Variants in SDK2 observed in about 807,000 individuals in gnomAD.
The protein encoded by SDK2 is protein sidekick-2.
A neutral mutation model predicts 253.9 loss-of-function variants in SDK2; 105 were observed. The ratio of observed to expected loss-of-function variants is 0.41; its 90% CI spans 0.35 to 0.49. The LOEUF (loss-of-function observed/expected upper bound fraction) is 0.49. Ranked by LOEUF, SDK2 falls within the 20% of genes least tolerant of loss-of-function variation. SDK2 has a pLI of 0.06. For missense variants in SDK2, 2,608 were observed against 3,003.0 expected (o/e 0.87, Z 3.07); for synonymous variants, 1,249 against 1,234.9 (o/e 1.01, Z -0.24).
At position 73,525,864 on chromosome 17, in the gene SDK2, C is replaced by T. The variant is rs2064121514; in HGVS notation, c.65-18267G>A. Among the ~76,000 whole-genome samples the T allele has an allele frequency of 1.3e-5, 2 of 152,210 alleles. 1 individual carries two copies. Among genetic ancestry groups the T allele is most frequent in the South Asian group, 4.1e-4 (2 of 4,832 alleles). ...TGCATTTCAACCATTCATTCTTTCA[C>T]TCAAAGGTCAATTCATTCATTCAGC... On this transcript the variant is annotated intron_variant, in intron 1 of 44. Transcript: ENST00000392650.
chr17:73,428,418 C>T (rs1258342445), intron 12 of SDK2, among the ~76,000 whole-genome samples: 2 of 152,088 alleles, frequency 1.3e-5, no homozygotes, highest in African/African-American at 4.8e-5. Context: ...AACCTGCACC[C>T]GCCCAGGCCC....
chr17:73,496,124 C>T lies in SDK2; in HGVS notation c.224+11314G>A, dbSNP rs1215174717. On this transcript the variant is annotated intron_variant, in intron 2 of 44. Coordinates refer to ENST00000392650, the MANE Select transcript of SDK2 (RefSeq NM_001144952.2). The surrounding 1 kb of genome is among the most constrained non-coding windows in gnomAD (Gnocchi z 4.7). The stretch of plus-strand genomic sequence containing the variant: ...AAGAATGAGGTGGGAGGAGCCTGCC[C>T]TGCTGGGTGGGAGTCAGCGTCATGC... 6.6e-6 allele frequency among the ~76,000 whole-genome samples: 1 copy of T among 152,178 alleles called. No individual in the cohort carries two copies. The highest frequency in any genetic ancestry group is 1.9e-4 in the East Asian group (1 of 5,190).
chr17:73,600,771 T>C (rs953117910), intron 1 of SDK2, among the ~76,000 whole-genome samples: 3 of 152,144 alleles, frequency 2.0e-5, no homozygotes, highest in Non-Finnish European at 4.4e-5. Flanking sequence ...CAGTGCCTGG[T>C]CCATCCTATC....
At chr17:73,403,444 G>A (rs572317473) in intron 18 of SDK2, among the ~76,000 whole-genome samples, 29 of 143,918 alleles carry the variant, frequency 2.0e-4, no homozygotes, top group African/African-American at 7.6e-4. Context: ...CGCCTGTCTC[G>A]CCTCCTGCTC....
intron 2 of SDK2, among the ~76,000 whole-genome samples, chr17:73,493,025 CG>C (rs1567804414): frequency 6.6e-6 from 1 of 152,146 alleles, no homozygotes; most frequent in Non-Finnish European, 1.5e-5. Context: ...TCAGGGTAAG[CG>C]GGGTCTCCAG....
In SDK2 at chr17:73,352,498, G is replaced by A. The variant is rs776415249; in HGVS notation, c.5733C>T (p.Pro1911=). The change falls in exon 41 of 45, where the codon CCC becomes CCT. Residue 1911 remains proline (P), a synonymous_variant. Transcript: ENST00000392650. This position sits in a 1 kb window ranked among gnomAD's most constrained non-coding sequence, Gnocchi z 4.1. The part of the protein sequence containing the change: ...IAVNDYGFGT[P]SSPSQSVPAQ... ...CTGGCACAGACTGGGAGGGGCTGCT[G>A]GGGGTGCCGAAACCATAGTCGTTGA... 2.5e-6 allele frequency: 4 copies of A among 1,613,564 alleles called. No homozygotes were observed. The highest frequency in any genetic ancestry group is 3.4e-6 in the Non-Finnish European group (4 of 1,179,756).
intron 1 of SDK2, among the ~76,000 whole-genome samples, chr17:73,626,220 G>A (rs1164438603): frequency 2.0e-5 from 3 of 152,252 alleles, no homozygotes; most frequent in Non-Finnish European, 4.4e-5. Context: ...AATTGCGCCT[G>A]AGCGAGCTGG....
intron 2 of SDK2, among the ~76,000 whole-genome samples, chr17:73,498,900 C>G (rs1417111567): frequency 6.6e-6 from 1 of 152,220 alleles, no homozygotes; most frequent in Non-Finnish European, 1.5e-5. Flanking sequence ...CCTGAAGATC[C>G]TGGGTGAAAC....
At chr17:73,569,141 G>C (rs992678304) in intron 1 of SDK2, among the ~76,000 whole-genome samples, 1 of 151,744 alleles carries the variant, frequency 6.6e-6, no homozygotes, top group Non-Finnish European at 1.5e-5. Flanking sequence ...AGTAGTAAGA[G>C]ATAGAGCTGG....
rs1188047896 is a variant in SDK2 at position 73,472,269 on chromosome 17, ACAGAGGTCAGATTGGGCT to A, written c.225-69_225-52del. 17 of 1,381,652 alleles carry A rather than the reference ACAGAGGTCAGATTGGGCT, an allele frequency of 1.2e-5. No individual in the cohort carries two copies. The Admixed American group carries it at 3.2e-4, about 26-fold the overall frequency. The allele number at this position is 1,381,652 out of a possible 1,614,324, so 85.6% of individuals were successfully genotyped here. A position where few individuals can be genotyped will look rare whatever the true frequency, so the allele number is the denominator to read the frequency against. ...GAGCAAGTCAGGCAGCTGCAGGGGTACAGAGGTCAGATTGGGCTCAGAGGTCAGAGGTCGCCAGGTCAC... is the reference window on the plus strand; with the variant it reads ...GAGCAAGTCAGGCAGCTGCAGGGGTACAGAGGTCAGAGGTCGCCAGGTCAC... On this transcript the variant is annotated intron_variant, in intron 2 of 44. Transcript: ENST00000392650.
intron 29 of SDK2, among the ~76,000 whole-genome samples, chr17:73,389,011 C>G (rs534998178): frequency 7.9e-6 from 1 of 126,968 alleles, no homozygotes; most frequent in Non-Finnish European, 1.6e-5. Context: ...CTTTTTCTTT[C>G]GTTATTTAAA....
chr17:73,602,055 T>G (rs1266962620), intron 1 of SDK2, among the ~76,000 whole-genome samples: 1 of 152,222 alleles, frequency 6.6e-6, no homozygotes, highest in Non-Finnish European at 1.5e-5. Flanking sequence ...AGAACTGTGT[T>G]TTAAACAACC....
At chr17:73,577,556 T>C (rs2045473744) in intron 1 of SDK2, among the ~76,000 whole-genome samples, 1 of 152,150 alleles carries the variant, frequency 6.6e-6, no homozygotes, top group Non-Finnish European at 1.5e-5. Context: ...ACAGGTCAGT[T>C]TCCTCCAGGA....
chr17:73,527,049 G>A (rs920333549), intron 1 of SDK2, among the ~76,000 whole-genome samples: 9 of 152,254 alleles, frequency 5.9e-5, no homozygotes, highest in African/African-American at 1.7e-4. Flanking sequence ...GACTAACGGT[G>A]TGAGGCATCA....
At chr17:73,565,886 C>A (rs963041361) in intron 1 of SDK2, among the ~76,000 whole-genome samples, 2 of 152,216 alleles carry the variant, frequency 1.3e-5, no homozygotes, top group African/African-American at 4.8e-5. Flanking sequence ...TGCAATAGCG[C>A]AATCTCAGCT....
chr17:73,508,807 C>T (rs2063955113), intron 1 of SDK2, among the ~76,000 whole-genome samples: 1 of 152,156 alleles, frequency 6.6e-6, no homozygotes, highest in South Asian at 2.1e-4. Context: ...AAGCCAAAAC[C>T]CGGGTGGGAG....
intron 1 of SDK2, among the ~76,000 whole-genome samples, chr17:73,576,130 G>T (rs2145875094): frequency 6.6e-6 from 1 of 152,318 alleles, no homozygotes; most frequent in East Asian, 1.9e-4. Flanking sequence ...TGGGATGCCT[G>T]GGAGGAAGGT....
Position 73,390,405 on chromosome 17 carries a change from C to T in SDK2, c.4074G>A (p.Arg1358=), listed in dbSNP as rs1274899035. 1 of 1,612,706 alleles carries T rather than the reference C, an allele frequency of 6.2e-7. No homozygotes were observed. The change falls in exon 29 of 45, where the codon CGG becomes CGA. Residue 1358 remains arginine (R), a synonymous_variant. Coordinates refer to ENST00000392650, the MANE Select transcript of SDK2 (RefSeq NM_001144952.2). ...ATVEVLAPSA[R]QYTATGLKPE... ...GCTTGAGGCCCGTGGCTGTGTACTG[C>T]CGGGCGCTGGGTGCCAGCACCTCCA...
In SDK2 at chr17:73,561,885, G is replaced by T. The variant is rs964413555; in HGVS notation, c.65-54288C>A. 5.3e-5 allele frequency among the ~76,000 whole-genome samples: 8 copies of T among 152,354 alleles called. No individual in the cohort carries two copies. The East Asian group carries it at 1.2e-3, about 22-fold the overall frequency. On this transcript the variant is annotated intron_variant, in intron 1 of 44. Coordinates refer to ENST00000392650, the MANE Select transcript of SDK2 (RefSeq NM_001144952.2). ...TCACGCCTGTAATCCCAGCACTTTG[G>T]GGGGCTGAGGCGGGTGGATCACCTG...
Sources: gnomAD v4.1 joint callset for allele counts (sites outside exome capture counted in the v4.1 genomes callset) on GRCh38, gnomAD v4.1.1 for gene constraint, Gnocchi (gnomAD v3.1) non-coding constraint, MANE v1.5 for transcripts, NCBI Gene and HGNC (gene_info 2026-07-23, HGNC 2026-07-21) for gene names.